STXBP5L: variants seen among roughly 807,000 people sequenced by gnomAD.
STXBP5L encodes the protein syntaxin-binding protein 5-like.
In STXBP5L, 65 loss-of-function variants were observed where a neutral mutation model predicts 144.5. That is an observed-to-expected ratio of 0.45 (90% CI 0.37 to 0.55). The LOEUF is 0.55. STXBP5L is among the 20% of genes least tolerant of loss of function. STXBP5L has a pLI of 0.00. For missense variants in STXBP5L, 1,298 were observed against 1,405.5 expected (o/e 0.92, Z 1.22); for synonymous variants, 505 against 469.6 (o/e 1.08, Z -0.97).
At chr3:121,178,910 C>T (rs1481326606) in intron 9 of STXBP5L, among the ~76,000 whole-genome samples, 1 of 152,102 alleles carries the variant, frequency 6.6e-6, no homozygotes, top group Admixed American at 6.6e-5. Flanking sequence ...AAGCTTCCAG[C>T]AGAATCTTGT....
chr3:121,346,974 A>G (rs2045017900), intron 20 of STXBP5L, among the ~76,000 whole-genome samples: 1 of 152,108 alleles, frequency 6.6e-6, no homozygotes, highest in Non-Finnish European at 1.5e-5. Context: ...CCATTTGTCA[A>G]TTTTGGCTTC....
At chr3:121,288,586 T>C (rs2051309699) in intron 19 of STXBP5L, among the ~76,000 whole-genome samples, 1 of 152,212 alleles carries the variant, frequency 6.6e-6, no homozygotes, top group South Asian at 2.1e-4. Context: ...ATTTTTCTAA[T>C]GATTGGAGGT....
intron 20 of STXBP5L, among the ~76,000 whole-genome samples, chr3:121,351,809 G>T (rs2045293355): frequency 6.6e-6 from 1 of 152,050 alleles, no homozygotes; most frequent in Non-Finnish European, 1.5e-5. Flanking sequence ...GGGCTTTTAT[G>T]GTTTTAGGTC....
At chr3:121,057,335 C>T (rs181009643) in intron 5 of STXBP5L, among the ~76,000 whole-genome samples, 7 of 152,034 alleles carry the variant, frequency 4.6e-5, no homozygotes, top group Admixed American at 1.3e-4. Flanking sequence ...TAGACTTTCC[C>T]TATTTCTTTG....
chr3:121,235,152 CT>C (rs1370393554), intron 12 of STXBP5L, among the ~76,000 whole-genome samples: 1 of 151,832 alleles, frequency 6.6e-6, no homozygotes, highest in African/African-American at 2.4e-5. Context: ...TAACATTTAC[CT>C]TCTTTAGCAT....
intron 19 of STXBP5L, among the ~76,000 whole-genome samples, chr3:121,295,309 T>A (rs2108474705): frequency 6.6e-6 from 1 of 152,148 alleles, no homozygotes; most frequent in South Asian, 2.1e-4. Context: ...AGACTTTTTT[T>A]AAAAGAAATG....
chr3:121,201,518 G>A (rs963034819), intron 9 of STXBP5L, among the ~76,000 whole-genome samples: 19 of 152,254 alleles, frequency 1.2e-4, no homozygotes, highest in African/African-American at 4.1e-4. Context: ...TACATTAAAT[G>A]TTAATATTGT....
intron 20 of STXBP5L, among the ~76,000 whole-genome samples, chr3:121,333,604 G>GA (rs142216609): frequency 1.6e-4 from 23 of 147,258 alleles, no homozygotes; most frequent in Admixed American, 2.7e-4. Context: ...CTGGATTTTT[G>GA]AAAAAAAAAT....
Position 121,018,523 on chromosome 3 carries a change from C to CAAA in STXBP5L, c.288-23157_288-23155dup, listed in dbSNP as rs139946627. Among the ~76,000 whole-genome samples the CAAA allele has an allele frequency of 3.3e-3, 333 of 101,876 alleles. 2 individuals are homozygous for CAAA. The highest frequency in any genetic ancestry group is 5.3e-3 in the Non-Finnish European group (265 of 50,036). 66.8% of individuals were successfully genotyped at this position (101,876 alleles called of 152,430 possible). A position where few individuals can be genotyped will look rare whatever the true frequency, so the allele number is the denominator to read the frequency against. The stretch of plus-strand genomic sequence containing the variant: ...CTGGAACAACTGGACATCCATATAC[C>CAAA]AAAAAAAAAAAAAAAAAAAAAATGC... On this transcript the variant is annotated intron_variant, in intron 3 of 26. Coordinates refer to ENST00000471454, the MANE Select transcript of STXBP5L (RefSeq NM_001308330.2).
chr3:121,192,137 C>G (rs1001941378), intron 9 of STXBP5L, among the ~76,000 whole-genome samples: 4 of 152,156 alleles, frequency 2.6e-5, no homozygotes, highest in African/African-American at 9.7e-5. Flanking sequence ...TCTCTGGATT[C>G]AAAATCAATG....
intron 23 of STXBP5L, 89 bp downstream of exon 23, chr3:121,407,692 A>C (rs752025391): frequency 6.7e-7 from 1 of 1,485,538 alleles, no homozygotes; most frequent in African/African-American, 1.4e-5. Flanking sequence ...TGCAGATGTT[A>C]TCAAGAAGCA....
At chr3:121,229,980 T>C (rs1312739907) in intron 11 of STXBP5L, among the ~76,000 whole-genome samples, 1 of 152,222 alleles carries the variant, frequency 6.6e-6, no homozygotes, top group African/African-American at 2.4e-5. Context: ...ACCCTATTTA[T>C]GTTCAGCAGT....
At chr3:121,145,082 TCTG>T (rs2045663495) in intron 7 of STXBP5L, among the ~76,000 whole-genome samples, 1 of 151,872 alleles carries the variant, frequency 6.6e-6, no homozygotes. Flanking sequence ...ACTTTAGAAA[TCTG>T]CTGTGCAACA....
intron 3 of STXBP5L, among the ~76,000 whole-genome samples, chr3:120,974,428 G>C (rs1484739628): frequency 6.7e-6 from 1 of 149,680 alleles, no homozygotes; most frequent in Non-Finnish European, 1.5e-5. Context: ...GTTCATTGTA[G>C]ATTCTGGATA....
chr3:121,171,447 T>A (rs556492138), intron 9 of STXBP5L, among the ~76,000 whole-genome samples: 10 of 152,286 alleles, frequency 6.6e-5, no homozygotes, highest in African/African-American at 2.4e-4. Flanking sequence ...TGATTTTATA[T>A]TTAGAAAACC....
At chr3:120,970,539 G>A (rs1365210229) in intron 3 of STXBP5L, among the ~76,000 whole-genome samples, 2 of 152,022 alleles carry the variant, frequency 1.3e-5, no homozygotes, top group Non-Finnish European at 2.9e-5. Flanking sequence ...GAAATCTGCT[G>A]CAATCTGTAT....
intron 20 of STXBP5L, among the ~76,000 whole-genome samples, chr3:121,349,253 T>C (rs2045159190): frequency 6.6e-6 from 1 of 152,144 alleles, no homozygotes; most frequent in Non-Finnish European, 1.5e-5. Context: ...TCAGTTTCCA[T>C]GAAGTTGAGC....
intron 9 of STXBP5L, among the ~76,000 whole-genome samples, chr3:121,178,696 G>A (rs942242145): frequency 2.6e-5 from 4 of 152,160 alleles, no homozygotes; most frequent in Admixed American, 2.6e-4. Context: ...CTTACCTGGA[G>A]CTGGAATGGA....
intron 22 of STXBP5L, among the ~76,000 whole-genome samples, chr3:121,392,952 G>A (rs2046632674): frequency 6.6e-6 from 1 of 151,660 alleles, no homozygotes; most frequent in Non-Finnish European, 1.5e-5. Context: ...ATAGCAGGTA[G>A]TGGGATCACT....
Sources: allele counts gnomAD v4.1 joint callset (sites outside exome capture counted in the v4.1 genomes callset), GRCh38; gene constraint gnomAD v4.1.1; transcripts MANE v1.5; gene names NCBI Gene and HGNC (gene_info 2026-07-23, HGNC 2026-07-21).